Variants in RCL1 observed in about 807,000 individuals in gnomAD.
RCL1 encodes RNA terminal phosphate cyclase like 1.
RCL1 carries 24 observed loss-of-function variants against 42.4 expected under a neutral mutation model. The observed-to-expected ratio is 0.57, with a 90% CI of 0.41 to 0.80. RCL1 has a LOEUF of 0.80. Ranked by LOEUF, RCL1 falls within the 30% of genes least tolerant of loss-of-function variation. RCL1 has a pLI of 0.00. For synonymous variants in RCL1, 228 were observed against 177.3 expected (o/e 1.29, Z -2.27); for missense variants, 578 against 467.9 (o/e 1.24, Z -2.17).
At chr9:4,804,636 G>C (rs971329603) in intron 1 of RCL1, 4 of 153,246 alleles carry the variant, frequency 2.6e-5, no homozygotes, top group African/African-American at 9.6e-5. Context: ...GGAGGCCTCC[G>C]CCGGTGTTGC....
intron 1 of RCL1, among the ~76,000 whole-genome samples, chr9:4,808,337 T>G (rs1178446325): frequency 6.6e-6 from 1 of 152,220 alleles, no homozygotes; most frequent in Non-Finnish European, 1.5e-5. Flanking sequence ...AGACAGGGTC[T>G]CCTTCTTTCA....
chr9:4,828,514 T>G (rs950398796), intron 3 of RCL1, among the ~76,000 whole-genome samples: 44 of 151,766 alleles, frequency 2.9e-4, no homozygotes, highest in African/African-American at 1.0e-3. Flanking sequence ...TAAAGGAATG[T>G]TGCGTAAACT....
At chr9:4,831,521 G>T (rs1398263177) in intron 3 of RCL1, among the ~76,000 whole-genome samples, 2 of 152,132 alleles carry the variant, frequency 1.3e-5, no homozygotes, top group African/African-American at 4.8e-5. Flanking sequence ...CTGTCTCCCA[G>T]GCTGGAGTGC....
chr9:4,858,423 A>G (rs568219934), intron 8 of RCL1, among the ~76,000 whole-genome samples: 71 of 152,282 alleles, frequency 4.7e-4, no homozygotes, highest in Non-Finnish European at 8.8e-4. Flanking sequence ...GAAATGGTTA[A>G]GAAACCGTTG....
At chr9:4,847,241 C>T (rs1010762135) in intron 7 of RCL1, among the ~76,000 whole-genome samples, 14 of 152,008 alleles carry the variant, frequency 9.2e-5, no homozygotes, top group Admixed American at 6.5e-4. Flanking sequence ...AAATTTCTTT[C>T]GTTTTCTTTT....
intron 1 of RCL1, among the ~76,000 whole-genome samples, chr9:4,803,075 G>A (rs1026390583): frequency 1.3e-5 from 2 of 151,386 alleles, no homozygotes; most frequent in African/African-American, 4.9e-5. Flanking sequence ...AGGAACTCCT[G>A]GGCTCAAGCA....
intron 8 of RCL1, among the ~76,000 whole-genome samples, chr9:4,859,899 A>G (rs1285866825): frequency 2.6e-5 from 4 of 152,002 alleles, no homozygotes; most frequent in Non-Finnish European, 4.4e-5. Flanking sequence ...TTCCCCCCCC[A>G]GTTTAATTTA....
At chr9:4,799,929 G>A in intron 1 of RCL1, among the ~76,000 whole-genome samples, 1 of 152,152 alleles carries the variant, frequency 6.6e-6, no homozygotes, top group East Asian at 1.9e-4. Context: ...AAGTTGATAT[G>A]GCAGACGTTC....
At chr9:4,795,319 G>T (rs2130958861) in intron 1 of RCL1, among the ~76,000 whole-genome samples, 1 of 152,266 alleles carries the variant, frequency 6.6e-6, no homozygotes, top group Non-Finnish European at 1.5e-5. Context: ...CTGACCTCAG[G>T]TGATCCGCCT....
At chr9:4,847,218 T>C (rs1054573019) in intron 7 of RCL1, among the ~76,000 whole-genome samples, 5 of 152,200 alleles carry the variant, frequency 3.3e-5, no homozygotes, top group African/African-American at 1.2e-4. Context: ...CAGTCTTCCA[T>C]TGTGCCTGGA....
chr9:4,835,504 G>GACC (rs1013532000), intron 5 of RCL1, among the ~76,000 whole-genome samples: 1 of 152,176 alleles, frequency 6.6e-6, no homozygotes, highest in Non-Finnish European at 1.5e-5. Flanking sequence ...GGCTTGTGGG[G>GACC]ACCACTCTTT....
chr9:4,810,836 C>G (rs998512573), intron 1 of RCL1, among the ~76,000 whole-genome samples: 8 of 152,156 alleles, frequency 5.3e-5, no homozygotes, highest in African/African-American at 1.9e-4. Context: ...TGTAGTCATT[C>G]ATTGTGGTTT....
intron 2 of RCL1, among the ~76,000 whole-genome samples, chr9:4,823,932 T>C (rs1367540745): frequency 2.0e-5 from 3 of 152,148 alleles, no homozygotes; most frequent in Non-Finnish European, 4.4e-5. Flanking sequence ...CGTGTTCCGA[T>C]GGAAAGACCC....
At chr9:4,836,442 A>T (rs1188983818) in intron 5 of RCL1, among the ~76,000 whole-genome samples, 1 of 152,202 alleles carries the variant, frequency 6.6e-6, no homozygotes, top group Non-Finnish European at 1.5e-5. Flanking sequence ...TAGTGGAAAT[A>T]GATACATGTA....
intron 1 of RCL1, among the ~76,000 whole-genome samples, chr9:4,797,084 C>G (rs778466283): frequency 6.6e-6 from 1 of 152,110 alleles, no homozygotes; most frequent in African/African-American, 2.4e-5. Flanking sequence ...GGTTTGAGTA[C>G]GAGTTCTGCC....
chr9:4,822,121 C>T (rs1816614259), intron 1 of RCL1, among the ~76,000 whole-genome samples: 1 of 152,182 alleles, frequency 6.6e-6, no homozygotes, highest in Non-Finnish European at 1.5e-5. Context: ...TAGCCCAGTG[C>T]CCTTTGTACA....
At chr9:4,841,436 C>T in intron 6 of RCL1, 79 bp downstream of exon 6, 1 of 1,163,336 alleles carries the variant, frequency 8.6e-7, no homozygotes, top group Non-Finnish European at 1.3e-6. Flanking sequence ...ACTGCCAGCT[C>T]TGAGGTTGCG....
intron 3 of RCL1, among the ~76,000 whole-genome samples, chr9:4,828,762 T>C (rs1375037004): frequency 2.0e-5 from 3 of 152,138 alleles, no homozygotes; most frequent in Non-Finnish European, 4.4e-5. Context: ...TGGCAATATT[T>C]TAAAAATTTT....
At chr9:4,809,920 G>C (rs979146031) in intron 1 of RCL1, among the ~76,000 whole-genome samples, 3 of 152,104 alleles carry the variant, frequency 2.0e-5, no homozygotes, top group African/African-American at 7.2e-5. Flanking sequence ...GGGTTCAAGC[G>C]ATTCTTGTGC....
Sources: gnomAD v4.1 joint callset for allele counts (sites outside exome capture counted in the v4.1 genomes callset) on GRCh38, gnomAD v4.1.1 for gene constraint, MANE v1.5 for transcripts, NCBI Gene and HGNC (gene_info 2026-07-23, HGNC 2026-07-21) for gene names.